SFSWAP: variants seen among roughly 807,000 people sequenced by gnomAD.
The protein encoded by SFSWAP is splicing factor, suppressor of white-apricot homolog.
Under a neutral mutation model 100.7 loss-of-function variants are expected in SFSWAP, and 17 were observed. The observed-to-expected ratio is 0.17, with a 90% CI of 0.12 to 0.25. The LOEUF (loss-of-function observed/expected upper bound fraction) is 0.25. Among genes scored for constraint, SFSWAP ranks in the 10% least tolerant of loss-of-function variants. The pLI is 1.00. For missense variants in SFSWAP, 1,005 were observed against 1,262.6 expected (o/e 0.80, Z 3.09); for synonymous variants, 504 against 510.1 (o/e 0.99, Z 0.16).
chr12:131,729,056 A>T (rs1472077107), intron 7 of SFSWAP, among the ~76,000 whole-genome samples: 1 of 152,086 alleles, frequency 6.6e-6, no homozygotes, highest in Non-Finnish European at 1.5e-5. Context: ...CTTACCTCTC[A>T]GTGGCTAGTG....
At position 131,764,546 on chromosome 12, in the gene SFSWAP, G is replaced by GTGA; in HGVS notation, c.1821_1823dup (p.Asp607dup). 2.5e-6 allele frequency: 4 copies of GTGA among 1,614,164 alleles called. No homozygotes were observed. The highest frequency in any genetic ancestry group is 3.4e-6 in the Non-Finnish European group (4 of 1,179,990). On this transcript the variant is annotated inframe_insertion, in exon 12 of 18. Transcript: ENST00000261674. The stretch of plus-strand genomic sequence containing the variant: ...AATCGTGTTAAGCTAGATGATGACA[G>GTGA]TGATGATGATGAAGAAAGCAAAGAA...
intron 14 of SFSWAP, among the ~76,000 whole-genome samples, chr12:131,782,808 A>G (rs1350249701): frequency 6.6e-6 from 1 of 152,174 alleles, no homozygotes; most frequent in East Asian, 1.9e-4. Context: ...GTCATGGAAG[A>G]ATCTTTAGTT....
At chr12:131,765,802 G>A (rs1883068908) in intron 12 of SFSWAP, among the ~76,000 whole-genome samples, 1 of 68,220 alleles carries the variant, frequency 1.5e-5, no homozygotes, top group Non-Finnish European at 4.1e-5. Context: ...CGGATCATTT[G>A]GAATAAAACA....
At position 131,778,048 on chromosome 12, in the gene SFSWAP, T is replaced by A. The variant is rs1428081453; in HGVS notation, c.2143-17T>A. The A allele has an allele frequency of 5.0e-6, 8 of 1,588,378 alleles. No homozygotes were observed. On this transcript the variant is annotated splice_polypyrimidine_tract_variant and intron_variant, in intron 13 of 17. Transcript: ENST00000261674. This position sits in a 1 kb window ranked among gnomAD's most constrained non-coding sequence, Gnocchi z 4.2. ...CTGTTTTCCCTGTTAACACCCAGAT[T>A]TTCCTTTTATTCTTAGGAATCCAGC...
intron 4 of SFSWAP, among the ~76,000 whole-genome samples, chr12:131,721,957 A>G (rs1391061481): frequency 6.6e-6 from 1 of 152,168 alleles, no homozygotes; most frequent in Non-Finnish European, 1.5e-5. Flanking sequence ...GTTTTTTGGC[A>G]GTAATTCATT....
At chr12:131,767,853 G>A (rs532715961) in intron 13 of SFSWAP, among the ~76,000 whole-genome samples, 12 of 152,132 alleles carry the variant, frequency 7.9e-5, no homozygotes, top group Non-Finnish European at 1.6e-4. Context: ...GAGGGAGGGA[G>A]GAGGGTGAAG....
chr12:131,728,326 G>A lies in SFSWAP; in HGVS notation c.979G>A (p.Ala327Thr), dbSNP rs755872590. 8 of 1,614,052 alleles carry A rather than the reference G, an allele frequency of 5.0e-6. No homozygotes were observed. Among genetic ancestry groups the A allele is most frequent in the East Asian group, 2.2e-5 (1 of 44,898 alleles). ...LKVVDPDHPL[A>T]ALVRKAQADS... ...GGTAGTGGACCCAGATCATCCCCTC[G>A]CAGCACTTGTTCGTAAGGCACAGGC... The change falls in exon 7 of 18, where the codon GCA (alanine) becomes ACA (threonine). Residue 327 changes from alanine (A) to threonine (T), a missense_variant. By Grantham distance (58) the Ala-to-Thr change is moderately conservative. Transcript: ENST00000261674.
Position 131,797,231 on chromosome 12 carries a change from A to C in SFSWAP, c.2588A>C (p.Lys863Thr), listed in dbSNP as rs1372604527. The change falls in exon 16 of 18, where the codon AAG becomes ACG. Residue 863 changes from lysine (K) to threonine (T), a missense_variant. Lys to Thr is a moderately conservative substitution (Grantham distance 78). Transcript: ENST00000261674. ...KRRSRSRTKS[K>T]ARSQSVSPSK... ...CGGTCCCGGTCGCGGACCAAGTCCAAGGCCAGGTCTCAGTCGGTGTCACCC... is the reference window on the plus strand; with the variant it reads ...CGGTCCCGGTCGCGGACCAAGTCCACGGCCAGGTCTCAGTCGGTGTCACCC... The C allele has an allele frequency of 6.2e-7, 1 of 1,612,496 alleles. No homozygotes were observed. The highest frequency in any genetic ancestry group is 8.5e-7 in the Non-Finnish European group (1 of 1,179,850).
chr12:131,720,934 A>C (rs942411128), intron 4 of SFSWAP, among the ~76,000 whole-genome samples: 1 of 152,164 alleles, frequency 6.6e-6, no homozygotes, highest in Non-Finnish European at 1.5e-5. Context: ...ATTTATAAAG[A>C]AGAGGTTTAA....
chr12:131,732,323 T>C (rs1220612309), intron 7 of SFSWAP, among the ~76,000 whole-genome samples: 3 of 152,242 alleles, frequency 2.0e-5, no homozygotes, highest in Non-Finnish European at 4.4e-5. Context: ...CCTGAGTTTG[T>C]GGCAAGCCCA....
At chr12:131,752,659 G>T (rs954981778) in intron 7 of SFSWAP, among the ~76,000 whole-genome samples, 1 of 152,188 alleles carries the variant, frequency 6.6e-6, no homozygotes, top group Non-Finnish European at 1.5e-5. Flanking sequence ...GTGAATGGAG[G>T]GAGCAGCGTG....
At chr12:131,775,821 G>A (rs934009455) in intron 13 of SFSWAP, among the ~76,000 whole-genome samples, 17 of 152,044 alleles carry the variant, frequency 1.1e-4, no homozygotes, top group Non-Finnish European at 2.4e-4. Context: ...TGGGCACGGT[G>A]GTTCACGCCC....
intron 9 of SFSWAP, 149 bp from the exon 10 acceptor site, chr12:131,755,237 A>G (rs1392659593): frequency 3.2e-6 from 2 of 618,770 alleles, no homozygotes; most frequent in Non-Finnish European, 5.7e-6. Context: ...CCCTGTGTGC[A>G]GTCTCCCTCG....
intron 13 of SFSWAP, among the ~76,000 whole-genome samples, chr12:131,767,518 G>T (rs1180492613): frequency 1.3e-5 from 2 of 152,172 alleles, no homozygotes. Flanking sequence ...AATAAACTGT[G>T]ACAAAACTGG....
At chr12:131,728,783 C>G (rs551742895) in intron 7 of SFSWAP, among the ~76,000 whole-genome samples, 2 of 151,920 alleles carry the variant, frequency 1.3e-5, no homozygotes, top group Non-Finnish European at 2.9e-5. Flanking sequence ...TCACGGCAGC[C>G]TGACCTCCCA....
Position 131,733,349 on chromosome 12 carries a change from C to T in SFSWAP, c.1081+4921C>T, listed in dbSNP as rs1472782873. ...GTGGATTGGCAGGCCTATAAGGCGC[C>T]TTTCACATTGAGGGTCTTAGGATTT... is the stretch of plus-strand genomic sequence containing the variant. On this transcript the variant is annotated intron_variant, in intron 7 of 17. Coordinates refer to ENST00000261674, the MANE Select transcript of SFSWAP (RefSeq NM_004592.4). The surrounding 1 kb of genome is among the most constrained non-coding windows in gnomAD (Gnocchi z 5.1). 6.6e-6 allele frequency among the ~76,000 whole-genome samples: 1 copy of T among 152,172 alleles called. No individual in the cohort carries two copies. Among genetic ancestry groups the T allele is most frequent in the East Asian group, 1.9e-4 (1 of 5,192 alleles).
intron 3 of SFSWAP, among the ~76,000 whole-genome samples, 190 bp from the exon 4 acceptor site, chr12:131,719,264 T>G (rs1328716133): frequency 6.6e-6 from 1 of 150,430 alleles, no homozygotes; most frequent in Non-Finnish European, 1.5e-5. Context: ...CCCACCTCAT[T>G]TGGAATTTTG....
chr12:131,780,494 A>T (rs748044120), intron 14 of SFSWAP, among the ~76,000 whole-genome samples: 2 of 151,538 alleles, frequency 1.3e-5, no homozygotes, highest in Non-Finnish European at 2.9e-5. Context: ...TCTACAAAAT[A>T]TTTTTTTTTA....
At position 131,714,365 on chromosome 12, in the gene SFSWAP, A is replaced by G; in HGVS notation, c.388+125A>G. On this transcript the variant is annotated intron_variant, in intron 2 of 17. Transcript: ENST00000261674. The surrounding 1 kb of genome is among the most constrained non-coding windows in gnomAD (Gnocchi z 6.0). ...ATATTATCTTGACAGTACCCAGTGGATTGGAAAAACAGGAGTCTTTGCGTT... is the reference window on the plus strand; with the variant it reads ...ATATTATCTTGACAGTACCCAGTGGGTTGGAAAAACAGGAGTCTTTGCGTT... 1 of 799,866 alleles carries G rather than the reference A, an allele frequency of 1.3e-6. No homozygotes were observed. The highest frequency in any genetic ancestry group is 1.9e-6 in the Non-Finnish European group (1 of 522,120). The allele number at this position is 799,866 out of a possible 1,614,324, so 49.5% of individuals were successfully genotyped here. A position where few individuals can be genotyped will look rare whatever the true frequency, so the allele number is the denominator to read the frequency against.
Sources: allele counts gnomAD v4.1 joint callset (sites outside exome capture counted in the v4.1 genomes callset), GRCh38; gene constraint gnomAD v4.1.1; non-coding constraint Gnocchi (gnomAD v3.1); transcripts MANE v1.5; gene names NCBI Gene and HGNC (gene_info 2026-07-23, HGNC 2026-07-21).